Variants in SRGAP3 observed in about 807,000 individuals in gnomAD.
SRGAP3 encodes SLIT-ROBO Rho GTPase-activating protein 3.
SRGAP3 carries 39 observed loss-of-function variants against 121.1 expected under a neutral mutation model. The ratio of observed to expected loss-of-function variants is 0.32; its 90% CI spans 0.25 to 0.42. SRGAP3 has a LOEUF of 0.42. SRGAP3 is among the 10% of genes least tolerant of loss of function. The pLI is 1.00. For missense variants in SRGAP3, 1,213 were observed against 1,470.6 expected (o/e 0.82, Z 2.86); for synonymous variants, 601 against 570.0 (o/e 1.05, Z -0.77).
At chr3:9,196,194 C>T (rs537687535) in intron 1 of SRGAP3, among the ~76,000 whole-genome samples, 1 of 152,294 alleles carries the variant, frequency 6.6e-6, no homozygotes, top group African/African-American at 2.4e-5. Context: ...TTGACAAGTC[C>T]GTCTGCCCAG....
intron 1 of SRGAP3, among the ~76,000 whole-genome samples, chr3:9,172,506 G>C (rs1268833013): frequency 2.6e-5 from 4 of 152,132 alleles, no homozygotes; most frequent in Non-Finnish European, 4.4e-5. Flanking sequence ...TTTGTTGGGG[G>C]ACACAATCCA....
intron 1 of SRGAP3, among the ~76,000 whole-genome samples, chr3:9,224,199 CA>C (rs1952910766): frequency 6.6e-6 from 1 of 152,226 alleles, no homozygotes; most frequent in Admixed American, 6.5e-5. Context: ...TAGAACAACT[CA>C]TTTAGACATG....
chr3:9,228,595 T>C (rs1377136904), intron 1 of SRGAP3, among the ~76,000 whole-genome samples: 1 of 152,104 alleles, frequency 6.6e-6, no homozygotes, highest in Admixed American at 6.5e-5. Flanking sequence ...AGGCACCCTA[T>C]GGAGGGGTGC....
rs60541881 is a variant in SRGAP3, at chr3:9,010,419, CG to C, written c.2148-33del. 1.8e-5 allele frequency: 29 copies of C among 1,613,124 alleles called. No homozygotes were observed. In the African/African-American group the frequency reaches 2.4e-4, roughly 13 times the overall value. ...GGAAACACGGGAATGGGACTCACTG[CG>C]GGGGGTTATCTACCCTCACAGCACC... On this transcript the variant is annotated intron_variant, in intron 17 of 21. Coordinates refer to ENST00000383836, the MANE Select transcript of SRGAP3 (RefSeq NM_014850.4).
intron 19 of SRGAP3, chr3:8,993,834 G>A (rs1388622411): frequency 1.2e-5 from 2 of 170,226 alleles, no homozygotes; most frequent in Admixed American, 1.1e-4. Flanking sequence ...GCTTTCAAAG[G>A]AATGGAAAGT....
intron 1 of SRGAP3, among the ~76,000 whole-genome samples, chr3:9,152,999 C>G (rs1950265011): frequency 6.6e-6 from 1 of 152,196 alleles, no homozygotes; most frequent in African/African-American, 2.4e-5. Flanking sequence ...CTTCCACAGT[C>G]GTTGATCCCA....
At chr3:9,310,665 T>C (rs887180134) in intron 3 of SRGAP3, among the ~76,000 whole-genome samples, 7 of 152,322 alleles carry the variant, frequency 4.6e-5, no homozygotes, top group Non-Finnish European at 1.5e-5. Context: ...GGAATCATCA[T>C]GCAGGGCCAG....
At chr3:9,351,729 C>T (rs2030172960) in intron 1 of SRGAP3, among the ~76,000 whole-genome samples, 1 of 152,072 alleles carries the variant, frequency 6.6e-6, no homozygotes. Context: ...CTACAGTATC[C>T]AATACAGTAA....
At chr3:9,242,349 A>C (rs972393448) in intron 1 of SRGAP3, among the ~76,000 whole-genome samples, 1 of 152,338 alleles carries the variant, frequency 6.6e-6, no homozygotes, top group Non-Finnish European at 1.5e-5. Flanking sequence ...CAAAGAAAAA[A>C]GCTGAAGCCG....
At chr3:9,177,186 G>T (rs570391456) in intron 1 of SRGAP3, among the ~76,000 whole-genome samples, 1 of 152,302 alleles carries the variant, frequency 6.6e-6, no homozygotes, top group East Asian at 1.9e-4. Flanking sequence ...ACACTCTACT[G>T]GGTGATGTGG....
intron 14 of SRGAP3, among the ~76,000 whole-genome samples, chr3:9,021,127 T>C (rs1363200524): frequency 6.6e-6 from 1 of 152,192 alleles, no homozygotes; most frequent in Non-Finnish European, 1.5e-5. Context: ...CCAGGTTCCA[T>C]CCCTCTTCTT....
At chr3:9,350,022 G>A (rs2030018081) in intron 1 of SRGAP3, 1 of 151,984 alleles carries the variant, frequency 6.6e-6, no homozygotes, top group Non-Finnish European at 1.5e-5. Flanking sequence ...TTTGAGCATA[G>A]CAGTACTAAA....
chr3:9,251,591 C>T (rs1954019592), upstream of SRGAP3, among the ~76,000 whole-genome samples: 2 of 152,212 alleles, frequency 1.3e-5, no homozygotes, highest in Admixed American at 6.5e-5. Flanking sequence ...AGTGGCTCAA[C>T]CTGCTTGTGT....
chr3:9,036,037 G>A (rs929413037), intron 11 of SRGAP3: 2 of 152,202 alleles, frequency 1.3e-5, no homozygotes, highest in African/African-American at 4.8e-5. Flanking sequence ...ATCTTGCTTT[G>A]ACATTTGCAA....
intron 1 of SRGAP3, among the ~76,000 whole-genome samples, chr3:9,136,818 C>A (rs888332993): frequency 6.6e-6 from 1 of 152,194 alleles, no homozygotes; most frequent in Non-Finnish European, 1.5e-5. Context: ...ACGGTTCCTG[C>A]GGAGTCTGCC....
chr3:9,202,062 T>TG (rs1202640753), intron 1 of SRGAP3, among the ~76,000 whole-genome samples: 18 of 138,436 alleles, frequency 1.3e-4, no homozygotes, highest in Non-Finnish European at 2.4e-4. Flanking sequence ...GTTTGGAGGA[T>TG]GGGGGGAAGG....
intron 1 of SRGAP3, among the ~76,000 whole-genome samples, chr3:9,219,876 T>G (rs1187691645): frequency 1.3e-5 from 2 of 152,058 alleles, no homozygotes; most frequent in East Asian, 3.9e-4. Context: ...ATCCTGTCAT[T>G]TGCAGCAACA....
At chr3:9,258,761 A>C (rs1311815568) in intron 3 of SRGAP3, among the ~76,000 whole-genome samples, 1 of 152,148 alleles carries the variant, frequency 6.6e-6, no homozygotes, top group Non-Finnish European at 1.5e-5. Context: ...CTCTAGGGTT[A>C]GCTACTGCCC....
In SRGAP3 at chr3:9,102,265, T is replaced by A. The variant is rs570850381; in HGVS notation, c.423+2415A>T. Among the ~76,000 whole-genome samples, 5 of 152,320 alleles carry A rather than the reference T, an allele frequency of 3.3e-5. No individual in the cohort carries two copies. In the South Asian group the frequency reaches 1.0e-3, roughly 32 times the overall value. ...CATATTAAAGCGGCCCCCTGTGAAG[T>A]TGGCATTGTTACCAGCTCCATTTCC... On this transcript the variant is annotated intron_variant, in intron 3 of 21. Transcript: ENST00000383836.
Sources: allele counts gnomAD v4.1 joint callset (sites outside exome capture counted in the v4.1 genomes callset), GRCh38; gene constraint gnomAD v4.1.1; transcripts MANE v1.5; gene names NCBI Gene and HGNC (gene_info 2026-07-23, HGNC 2026-07-21).